Variants in NKAIN3 observed in about 807,000 individuals in gnomAD.
The protein encoded by NKAIN3 is sodium/potassium-transporting ATPase subunit beta-1-interacting protein 3.
In NKAIN3, 25 loss-of-function variants were observed where a neutral mutation model predicts 30.2. The observed-to-expected ratio is 0.83, with a 90% CI of 0.60 to 1.16. NKAIN3 has a LOEUF of 1.16. NKAIN3 is among the 50% of genes most tolerant of loss of function. The pLI is 0.00. For missense variants in NKAIN3, 225 were observed against 254.1 expected (o/e 0.89, Z 0.78); for synonymous variants, 91 against 89.6 (o/e 1.02, Z -0.09).
At chr8:62,351,004 T>A (rs1406616665) in intron 1 of NKAIN3, among the ~76,000 whole-genome samples, 1 of 151,788 alleles carries the variant, frequency 6.6e-6, no homozygotes, top group Admixed American at 6.6e-5. Context: ...AATGAGCTTT[T>A]CACCACTGAC....
chr8:62,390,896 T>G (rs896005365), intron 1 of NKAIN3, among the ~76,000 whole-genome samples: 1 of 152,194 alleles, frequency 6.6e-6, no homozygotes, highest in African/African-American at 2.4e-5. Context: ...ACTGTTTGCT[T>G]TTCTTCTTGT....
At chr8:62,307,665 G>A (rs994827441) in intron 1 of NKAIN3, among the ~76,000 whole-genome samples, 7 of 150,788 alleles carry the variant, frequency 4.6e-5, no homozygotes, top group South Asian at 4.1e-4. Flanking sequence ...ATTAAAATGC[G>A]TAAGGCTTGG....
chr8:62,647,565 C>T (rs186397724), intron 3 of NKAIN3, among the ~76,000 whole-genome samples: 32 of 152,074 alleles, frequency 2.1e-4, no homozygotes, highest in African/African-American at 7.7e-4. Context: ...GCTTCCTGGA[C>T]GAAGGAATAT....
In NKAIN3 at chr8:62,575,614, T is replaced by C. The variant is rs967312971; in HGVS notation, c.55-3925T>C. ...TGCTTCACAGAAATAGAAAAAACAA[T>C]CTTAAAATTTATATGTAGTCACAAA... On this transcript the variant is annotated intron_variant, in intron 1 of 6. Coordinates refer to ENST00000623646, the MANE Select transcript of NKAIN3 (RefSeq NM_001304533.3). Among the ~76,000 whole-genome samples, 37 of 151,926 alleles carry C rather than the reference T, an allele frequency of 2.4e-4. 2 individuals are homozygous for C.
intron 4 of NKAIN3, among the ~76,000 whole-genome samples, chr8:62,916,890 C>T (rs765847524): frequency 2.6e-5 from 4 of 152,108 alleles, no homozygotes; most frequent in Admixed American, 1.3e-4. Flanking sequence ...AGCTCCCACA[C>T]GCTCATGCTT....
chr8:62,532,849 C>T (rs1291540384), intron 1 of NKAIN3, among the ~76,000 whole-genome samples: 4 of 152,162 alleles, frequency 2.6e-5, no homozygotes, highest in Admixed American at 6.5e-5. Context: ...GGAATGAAAA[C>T]GTCCACTCCA....
At chr8:62,599,451 G>T (rs529197314) in intron 3 of NKAIN3, among the ~76,000 whole-genome samples, 4 of 152,180 alleles carry the variant, frequency 2.6e-5, no homozygotes, top group African/African-American at 9.6e-5. Flanking sequence ...GTTGTGGAAA[G>T]AATTAAATAA....
Position 62,457,535 on chromosome 8 carries a change from C to T in NKAIN3, c.55-122004C>T, listed in dbSNP as rs146821238. Among the ~76,000 whole-genome samples, 728 of 152,236 alleles carry T rather than the reference C, an allele frequency of 4.8e-3. 7 individuals carry two copies. Among genetic ancestry groups the T allele is most frequent in the African/African-American group, 0.017 (698 of 41,538 alleles). On this transcript the variant is annotated intron_variant, in intron 1 of 6. Coordinates refer to ENST00000623646, the MANE Select transcript of NKAIN3 (RefSeq NM_001304533.3). ...TGTGTAACTTTGATATAATTGAGCACTTGATGATTTCCACTTGCTGCTTGT... is the reference window on the plus strand; with the variant it reads ...TGTGTAACTTTGATATAATTGAGCATTTGATGATTTCCACTTGCTGCTTGT...
intron 3 of NKAIN3, among the ~76,000 whole-genome samples, chr8:62,713,874 G>A (rs1344902144): frequency 2.0e-5 from 3 of 152,078 alleles, no homozygotes; most frequent in Non-Finnish European, 4.4e-5. Context: ...AATGTATTTG[G>A]AATTTGGTTA....
chr8:62,656,980 G>T (rs1586056710), intron 3 of NKAIN3, among the ~76,000 whole-genome samples: 1 of 152,266 alleles, frequency 6.6e-6, no homozygotes, highest in East Asian at 1.9e-4. Context: ...GGTATTCTTT[G>T]TGTTTTCTAA....
In NKAIN3 at chr8:62,796,789, TAC is replaced by T. The variant is rs144656283; in HGVS notation, c.471+49686_471+49687del. On this transcript the variant is annotated intron_variant, in intron 4 of 6. Transcript: ENST00000623646. ...AGAATACTAGTTTTTGTATCACACA[TAC>T]ACACACACACACACACACACACACA... 1.6e-3 allele frequency among the ~76,000 whole-genome samples: 238 copies of T among 146,138 alleles called. 1 individual carries two copies. The highest frequency in any genetic ancestry group is 3.8e-3 in the South Asian group (17 of 4,458).
At chr8:62,926,028 T>C (rs1417432799) in intron 5 of NKAIN3, among the ~76,000 whole-genome samples, 4 of 152,092 alleles carry the variant, frequency 2.6e-5, no homozygotes. Flanking sequence ...AGCACTTTAC[T>C]TGAGAAGGAA....
Position 62,967,226 on chromosome 8 carries a change from G to C in NKAIN3, c.*1819G>C, listed in dbSNP as rs987317311. Among the ~76,000 whole-genome samples, 9 of 152,174 alleles carry C rather than the reference G, an allele frequency of 5.9e-5. No homozygotes were observed. Among genetic ancestry groups the C allele is most frequent in the African/African-American group, 2.2e-4 (9 of 41,438 alleles). ...TGTCCAGAGCCTGTATCTGTACACA[G>C]GGGCAAGAGCCATAGCCAGTGGACA... is the stretch of plus-strand genomic sequence containing the variant. On this transcript the variant is annotated 3_prime_UTR_variant, in exon 7 of 7. Coordinates refer to ENST00000623646, the MANE Select transcript of NKAIN3 (RefSeq NM_001304533.3).
rs137916623 is a variant in NKAIN3, at chr8:62,296,760, C to G, written c.54+47633C>G. Among the ~76,000 whole-genome samples the G allele has an allele frequency of 5.7e-3, 861 of 152,286 alleles. 7 individuals are homozygous for G. The highest frequency in any genetic ancestry group is 0.01 in the Middle Eastern group (3 of 294). ...GGCAACAGCTCCAGGATTCCTATCT[C>G]TAGCCCAGACTTTCTGCTGTGTTGC... On this transcript the variant is annotated intron_variant, in intron 1 of 6. Coordinates refer to ENST00000623646, the MANE Select transcript of NKAIN3 (RefSeq NM_001304533.3).
rs1236409890 is a variant in NKAIN3, at chr8:62,817,997, G to A, written c.471+70868G>A. Among the ~76,000 whole-genome samples the A allele has an allele frequency of 5.3e-5, 8 of 152,100 alleles. No individual in the cohort carries two copies. In the East Asian group the frequency reaches 1.5e-3, roughly 29 times the overall value. On this transcript the variant is annotated intron_variant, in intron 4 of 6. Transcript: ENST00000623646. Reference sequence around the variant, plus strand: ...TTGCTGTATATTTGAAGTAAAAGAAGTATATTAGAATGTGAACGGTACTGC... The same window carrying A: ...TTGCTGTATATTTGAAGTAAAAGAAATATATTAGAATGTGAACGGTACTGC...
At chr8:62,946,726 A>G (rs770847571) in intron 5 of NKAIN3, among the ~76,000 whole-genome samples, 3 of 152,202 alleles carry the variant, frequency 2.0e-5, no homozygotes, top group Non-Finnish European at 4.4e-5. Context: ...CAACTTGTAA[A>G]ATAAATGCTG....
chr8:62,501,109 T>C (rs1320106762), intron 1 of NKAIN3, among the ~76,000 whole-genome samples: 2 of 152,224 alleles, frequency 1.3e-5, no homozygotes, highest in Non-Finnish European at 2.9e-5. Context: ...TGGATAGAGC[T>C]GTGAATTTTG....
At chr8:62,697,901 A>G (rs1814216778) in intron 3 of NKAIN3, among the ~76,000 whole-genome samples, 1 of 152,236 alleles carries the variant, frequency 6.6e-6, no homozygotes, top group Admixed American at 6.5e-5. Context: ...GCAAATTGAA[A>G]GACAACTGAA....
At chr8:62,910,021 G>GTGCAT (rs1586336810) in intron 4 of NKAIN3, among the ~76,000 whole-genome samples, 1 of 152,172 alleles carries the variant, frequency 6.6e-6, no homozygotes, top group East Asian at 1.9e-4. Context: ...TTTTAAAACT[G>GTGCAT]TGCATTCCTA....
Sources: allele counts gnomAD v4.1 joint callset (sites outside exome capture counted in the v4.1 genomes callset), GRCh38; gene constraint gnomAD v4.1.1; transcripts MANE v1.5; gene names NCBI Gene and HGNC (gene_info 2026-07-23, HGNC 2026-07-21).